Variants in PRIM2 observed in about 807,000 individuals in gnomAD.
PRIM2 encodes the protein DNA primase subunit 2, also known as DNA primase large subunit.
PRIM2 carries 39 observed loss-of-function variants against 67.3 expected under a neutral mutation model. The ratio of observed to expected loss-of-function variants is 0.58; its 90% CI spans 0.45 to 0.76. The LOEUF (loss-of-function observed/expected upper bound fraction) is 0.76. Ranked by LOEUF, PRIM2 falls within the 30% of genes least tolerant of loss-of-function variation. The pLI, the probability that PRIM2 is intolerant of heterozygous loss-of-function variation, is 0.00. For missense variants in PRIM2, 398 were observed against 598.7 expected, an observed-to-expected ratio of 0.66 and a Z score of 3.50; for synonymous variants, 143 against 198.7, an observed-to-expected ratio of 0.72 and a Z score of 2.36.
chr6:57,410,632 C>T (rs1417029079), intron 7 of PRIM2, among the ~76,000 whole-genome samples: 3 of 151,772 alleles, frequency 2.0e-5, no homozygotes, highest in African/African-American at 7.3e-5. Context: ...TTAGTAGCCT[C>T]TTGGTAGATT....
At chr6:57,414,296 A>G (rs571427417) in intron 7 of PRIM2, among the ~76,000 whole-genome samples, 474 of 152,318 alleles carry the variant, frequency 3.1e-3, no homozygotes, top group Non-Finnish European at 4.9e-3. Context: ...GTTGAGAAAC[A>G]TAGATCCATC....
intron 12 of PRIM2, among the ~76,000 whole-genome samples, chr6:57,610,293 C>T (rs1442665322): frequency 2.7e-3 from 412 of 152,290 alleles, no homozygotes; most frequent in Non-Finnish European, 4.4e-3. Context: ...GTCTTAAACT[C>T]CTGACCTTGG....
At chr6:57,578,788 TGCCTCAGCCTCCCGAGTAGCTGG>T (rs1429874221) in intron 10 of PRIM2, among the ~76,000 whole-genome samples, 6 of 150,222 alleles carry the variant, frequency 4.0e-5, no homozygotes, top group Non-Finnish European at 7.4e-5. Context: ...GCCATTCTCC[TGCCTCAGCCTCCCGAGTAGCTGG>T]GACTACAGGC....
rs78245428 is a variant in PRIM2, at chr6:57,330,290, A to G, written c.459+4245A>G. 3.0e-3 allele frequency among the ~76,000 whole-genome samples: 454 copies of G among 149,094 alleles called. 24 individuals carry two copies. The East Asian group carries it at 0.083, about 27-fold the overall frequency. On this transcript the variant is annotated intron_variant, in intron 5 of 13. Transcript: ENST00000615550. ...TTTTTGGAATGTTCATTGCTAGTATATAAAAATCCAGGTGATTTTTGTATA... is the reference window on the plus strand; with the variant it reads ...TTTTTGGAATGTTCATTGCTAGTATGTAAAAATCCAGGTGATTTTTGTATA...
chr6:57,638,803 AT>A (rs1777173044), intron 13 of PRIM2, among the ~76,000 whole-genome samples: 1 of 152,142 alleles, frequency 6.6e-6, no homozygotes, highest in Admixed American at 6.6e-5. Flanking sequence ...CACCCGCACA[AT>A]AATAGTGGGA....
At chr6:57,579,231 G>A (rs1776031421) in intron 10 of PRIM2, among the ~76,000 whole-genome samples, 1 of 150,636 alleles carries the variant, frequency 6.6e-6, no homozygotes, top group African/African-American at 2.4e-5. Context: ...GTCTCACCAA[G>A]TGTGAACTAT....
Position 57,424,614 on chromosome 6 carries a change from A to G in PRIM2, c.693+42446A>G, listed in dbSNP as rs538212946. Among the ~76,000 whole-genome samples the G allele has an allele frequency of 2.6e-5, 4 of 152,360 alleles. No individual in the cohort carries two copies. The South Asian group carries it at 8.3e-4, about 32-fold the overall frequency. On this transcript the variant is annotated intron_variant, in intron 7 of 13. Coordinates refer to ENST00000615550, the MANE Select transcript of PRIM2 (RefSeq NM_000947.5). The stretch of plus-strand genomic sequence containing the variant: ...GGGAAACTCTTATATTAAGGAGATT[A>G]CCATTAAATCAAAGCAATGCCTTAA...
chr6:57,558,914 G>T (rs1775573051), intron 10 of PRIM2, among the ~76,000 whole-genome samples: 1 of 151,922 alleles, frequency 6.6e-6, no homozygotes, highest in African/African-American at 2.4e-5. Context: ...GATCACTTGA[G>T]CCCAGGAGCT....
intron 5 of PRIM2, among the ~76,000 whole-genome samples, chr6:57,337,329 G>T (rs890819087): frequency 2.0e-5 from 3 of 152,018 alleles, no homozygotes; most frequent in Non-Finnish European, 4.4e-5. Context: ...ATGATACCCA[G>T]GAATTGAACT....
chr6:57,477,590 T>G (rs1773506454), intron 7 of PRIM2, among the ~76,000 whole-genome samples: 4 of 152,362 alleles, frequency 2.6e-5, no homozygotes, highest in Admixed American at 6.5e-5. Flanking sequence ...TGACACATAA[T>G]TTTTTCATAT....
intron 5 of PRIM2, among the ~76,000 whole-genome samples, chr6:57,378,785 A>G (rs1272303999): frequency 6.6e-6 from 1 of 152,172 alleles, no homozygotes; most frequent in African/African-American, 2.4e-5. Context: ...TCTGTGCTGT[A>G]AAGATGTTTT....
intron 7 of PRIM2, among the ~76,000 whole-genome samples, chr6:57,401,255 C>T (rs781389851): frequency 3.1e-4 from 43 of 138,056 alleles, no homozygotes; most frequent in Non-Finnish European, 5.9e-4. Flanking sequence ...CAGTGTAGAT[C>T]GAGTAGTCAG....
At chr6:57,597,088 G>A (rs1486747579) in intron 10 of PRIM2, among the ~76,000 whole-genome samples, 2 of 151,726 alleles carry the variant, frequency 1.3e-5, no homozygotes, top group Admixed American at 6.6e-5. Flanking sequence ...GGCATGCTAC[G>A]ATGAGTACGC....
chr6:57,575,848 G>C (rs1317669730), intron 10 of PRIM2, among the ~76,000 whole-genome samples: 8 of 152,106 alleles, frequency 5.3e-5, no homozygotes, highest in African/African-American at 1.4e-4. Flanking sequence ...GTGCGACCTA[G>C]ACTCACTGCA....
At chr6:57,565,265 TTTTA>T (rs1302800459) in intron 10 of PRIM2, among the ~76,000 whole-genome samples, 17 of 149,472 alleles carry the variant, frequency 1.1e-4, no homozygotes, top group African/African-American at 2.5e-4. Flanking sequence ...CTTTTCCATA[TTTTA>T]TTTATTTATC....
intron 10 of PRIM2, among the ~76,000 whole-genome samples, chr6:57,543,154 T>C (rs1248362996): frequency 4.6e-5 from 7 of 150,908 alleles, no homozygotes; most frequent in Admixed American, 1.3e-4. Flanking sequence ...TTAGCCAGGA[T>C]GGTCTCGATC....
At chr6:57,419,538 C>T (rs1375859551) in intron 7 of PRIM2, among the ~76,000 whole-genome samples, 2 of 152,086 alleles carry the variant, frequency 1.3e-5, no homozygotes, top group African/African-American at 4.8e-5. Flanking sequence ...TTTCCTAGGG[C>T]ATAGTGGCTG....
At chr6:57,604,001 T>C (rs1472245200) in intron 11 of PRIM2, among the ~76,000 whole-genome samples, 3 of 152,182 alleles carry the variant, frequency 2.0e-5, no homozygotes, top group Non-Finnish European at 4.4e-5. Context: ...ATTGTTGGTA[T>C]GTAGAAATGC....
chr6:57,293,935 T>C, the PRIM2 span, among the ~76,000 whole-genome samples: 194 of 152,164 alleles, frequency 1.3e-3, 4 homozygotes, highest in East Asian at 0.037. Context: ...CTGCATGTTG[T>C]GCACATGCAC....
Sources: gnomAD v4.1 joint callset for allele counts (sites outside exome capture counted in the v4.1 genomes callset) on GRCh38, gnomAD v4.1.1 for gene constraint, MANE v1.5 for transcripts, NCBI Gene and HGNC (gene_info 2026-07-23, HGNC 2026-07-21) for gene names.